The following ZNF445 variants were observed in gnomAD, a reference collection of about 807,000 sequenced individuals.
The protein encoded by ZNF445 is zinc finger protein 445, also known as zinc finger protein 168.
ZNF445 carries 19 observed loss-of-function variants against 93.9 expected under a neutral mutation model. The ratio of observed to expected loss-of-function variants is 0.20; its 90% confidence interval spans 0.14 to 0.30. The LOEUF (loss-of-function observed/expected upper bound fraction) is 0.30. Ranked by LOEUF, ZNF445 falls within the 10% of genes least tolerant of loss-of-function variation. The pLI is 1.00. For missense variants in ZNF445, 1,058 were observed against 1,259.4 expected, an observed-to-expected ratio of 0.84 and a Z score of 2.42; for synonymous variants, 449 against 446.3, an observed-to-expected ratio of 1.01 and a Z score of -0.08.
rs564214179 is a variant in ZNF445, at chr3:44,432,878, G to A, written c.*13697C>T. 3 of 152,232 alleles carry A rather than the reference G, an allele frequency of 2.0e-5. No homozygotes were observed. The highest frequency in any genetic ancestry group is 4.1e-4 in the South Asian group (2 of 4,820). 9.4% of individuals were successfully genotyped at this position (152,232 alleles called of 1,614,324 possible). ...TTGCCTGTGTTTTTCATTTTAAGTCGGTGGAGTTACAACCCATGGATTCCT... is the reference window on the plus strand; with the variant it reads ...TTGCCTGTGTTTTTCATTTTAAGTCAGTGGAGTTACAACCCATGGATTCCT... On this transcript the variant is annotated 3_prime_UTR_variant, in exon 8 of 8. Coordinates refer to ENST00000396077, the MANE Select transcript of ZNF445 (RefSeq NM_181489.6).
chr3:44,477,024 ATACT>A (rs1485800743), intron 1 of ZNF445, among the ~76,000 whole-genome samples: 1 of 152,252 alleles, frequency 6.6e-6, no homozygotes, highest in African/African-American at 2.4e-5. Flanking sequence ...TAGTATGGAT[ATACT>A]TAATGTCACT....
In ZNF445 at chr3:44,441,399, G is replaced by A. The variant is rs1321377753; in HGVS notation, c.*5176C>T. On this transcript the variant is annotated 3_prime_UTR_variant, in exon 8 of 8. Transcript: ENST00000396077. ...CAAGGTCTTTATGACTGTATCTTGT[G>A]CTGACCTCCTATCTCATCCCATGAC... 1 of 152,204 alleles carries A rather than the reference G, an allele frequency of 6.6e-6. No individual in the cohort carries two copies. Among genetic ancestry groups the A allele is most frequent in the African/African-American group, 2.4e-5 (1 of 41,430 alleles). 9.4% of individuals were successfully genotyped at this position (152,204 alleles called of 1,614,324 possible).
rs549889566 is a variant in ZNF445, at chr3:44,432,147, C to T, written c.*14428G>A. On this transcript the variant is annotated 3_prime_UTR_variant, in exon 8 of 8. Coordinates refer to ENST00000396077, the MANE Select transcript of ZNF445 (RefSeq NM_181489.6). ...TCCTGACCTCAAGTGATCCACCTGC[C>T]TCAGCCTCCCAAAGTGCTGAGATTA... 3 of 152,288 alleles carry T rather than the reference C, an allele frequency of 2.0e-5. No homozygotes were observed. The highest frequency in any genetic ancestry group is 4.1e-4 in the South Asian group (2 of 4,830). 9.4% of individuals were successfully genotyped at this position (152,288 alleles called of 1,614,324 possible).
chr3:44,461,516 G>C (rs1698114116), intron 1 of ZNF445, among the ~76,000 whole-genome samples: 1 of 152,194 alleles, frequency 6.6e-6, no homozygotes, highest in African/African-American at 2.4e-5. Flanking sequence ...TTTGTCTGGT[G>C]ACATTCGATG....
Position 44,451,300 on chromosome 3 carries a change from C to A in ZNF445, c.598+14G>T. 1 of 1,610,798 alleles carries A rather than the reference C, an allele frequency of 6.2e-7. No homozygotes were observed. On this transcript the variant is annotated intron_variant, in intron 4 of 7. Transcript: ENST00000396077. ...TGGCATAAGGCTGGGGTCTTAAGGC[C>A]AGGCAGCAAGTACCGGATTGCCCAG...
rs756673297 is a variant in ZNF445, at chr3:44,467,451, CCA to C, written c.-268-9089_-268-9088del. On this transcript the variant is annotated intron_variant, in intron 1 of 7. Transcript: ENST00000396077. Reference sequence around the variant, plus strand: ...TGGGGAATCTGGCCTCATACCTTGTCCACACAGAGTCTCTGTACAAGCTTCCT... The same window carrying C: ...TGGGGAATCTGGCCTCATACCTTGTCCACAGAGTCTCTGTACAAGCTTCCT... Among the ~76,000 whole-genome samples the C allele has an allele frequency of 1.9e-4, 29 of 152,246 alleles. No individual in the cohort carries two copies. The East Asian group carries it at 5.4e-3, about 28-fold the overall frequency.
intron 1 of ZNF445, among the ~76,000 whole-genome samples, chr3:44,463,773 G>T (rs953625063): frequency 2.0e-5 from 3 of 152,184 alleles, no homozygotes; most frequent in Non-Finnish European, 4.4e-5. Flanking sequence ...CAAGAGATGG[G>T]CTGATTACAA....
At chr3:44,459,287 T>C (rs1437090872) in intron 1 of ZNF445, among the ~76,000 whole-genome samples, 1 of 152,038 alleles carries the variant, frequency 6.6e-6, no homozygotes, top group African/African-American at 2.4e-5. Flanking sequence ...CCAAATAAAT[T>C]GAGCAATACA....
At chr3:44,455,085 G>C (rs1319618321) in intron 3 of ZNF445, 36 bp downstream of exon 3, 2 of 1,613,380 alleles carry the variant, frequency 1.2e-6, no homozygotes, top group Middle Eastern at 1.7e-4. Context: ...CTAGCAGGCA[G>C]AGTTCCCTGG....
In ZNF445 at chr3:44,455,169, C is replaced by T. The variant is rs200802465; in HGVS notation, c.381G>A (p.Val127=). 1 of 1,614,180 alleles carries T rather than the reference C, an allele frequency of 6.2e-7. No individual in the cohort carries two copies. Among genetic ancestry groups the T allele is most frequent in the African/African-American group, 1.3e-5 (1 of 75,036 alleles). Residue 127 remains valine, a synonymous_variant, in exon 3 of 8, where the codon GTG becomes GTA. Transcript: ENST00000396077. ...LHNPESGEEA[V]ALLEELQRDL... ...CCCTCTGCAGCTCCTCCAGCAAGGC[C>T]ACAGCCTCCTCGCCACTCTCAGGGT...
Position 44,448,263 on chromosome 3 carries a change from A to G in ZNF445, c.1408T>C (p.Ser470Pro). The change falls in exon 8 of 8, where the codon TCT becomes CCT. Residue 470 changes from serine (S) to proline (P), a missense_variant. By Grantham distance (74) the Ser-to-Pro change is moderately conservative. Coordinates refer to ENST00000396077, the MANE Select transcript of ZNF445 (RefSeq NM_181489.6). ...DVCGKDFSLS[S>P]HHQRGQSLHT... ...AGACTCTGCCCACGTTGGTGATGAG[A>G]GCTAAGGCTGAAGTCTTTTCCACAC... 1 of 1,614,152 alleles carries G rather than the reference A, an allele frequency of 6.2e-7. No homozygotes were observed. Among genetic ancestry groups the G allele is most frequent in the Middle Eastern group, 1.6e-4 (1 of 6,062 alleles).
Position 44,446,653 on chromosome 3 carries a change from G to C in ZNF445, c.3018C>G (p.Phe1006Leu). 6.2e-7 allele frequency: 1 copy of C among 1,614,210 alleles called. No homozygotes were observed. The highest frequency in any genetic ancestry group is 8.5e-7 in the Non-Finnish European group (1 of 1,180,042). The change falls in exon 8 of 8, where the codon TTC becomes TTG. Residue 1006 changes from phenylalanine to leucine, a missense_variant. Physicochemically the swap from Phe to Leu is conservative, Grantham distance 22. Transcript: ENST00000396077. The surrounding 1 kb of genome is among the most constrained non-coding windows in gnomAD (Gnocchi z 4.2). ...HKRFHTRERP[F>L]KCSKCGKTFR... ...AGGTCTTTCCACACTTGCTGCATTTGAAGGGCCTCTCTCGAGTATGAAATC... is the reference window on the plus strand; with the variant it reads ...AGGTCTTTCCACACTTGCTGCATTTCAAGGGCCTCTCTCGAGTATGAAATC...
intron 3 of ZNF445, among the ~76,000 whole-genome samples, chr3:44,452,511 A>G (rs1464297032): frequency 6.6e-6 from 1 of 152,164 alleles, no homozygotes; most frequent in Non-Finnish European, 1.5e-5. Flanking sequence ...CATTTTCCAA[A>G]TTTGAGGGGC....
intron 3 of ZNF445, among the ~76,000 whole-genome samples, chr3:44,453,733 C>T (rs1312701633): frequency 6.6e-6 from 1 of 152,218 alleles, no homozygotes; most frequent in African/African-American, 2.4e-5. Flanking sequence ...AACTGACCAG[C>T]TGCTGCTCTC....
At chr3:44,453,691 CAGG>C (rs1045127902) in intron 3 of ZNF445, among the ~76,000 whole-genome samples, 8 of 152,160 alleles carry the variant, frequency 5.3e-5, no homozygotes, top group African/African-American at 1.2e-4. Flanking sequence ...CCCCTGTGTG[CAGG>C]AGAAGGGCAG....
In ZNF445 at chr3:44,455,181, G is replaced by A. The variant is rs761150186; in HGVS notation, c.369C>T (p.Gly123=). 11 of 1,614,088 alleles carry A rather than the reference G, an allele frequency of 6.8e-6. No individual in the cohort carries two copies. The highest frequency in any genetic ancestry group is 1.7e-5 in the Admixed American group (1 of 60,002). Residue 123 remains glycine (G), a synonymous_variant, in exon 3 of 8, where the codon GGC becomes GGT. Coordinates refer to ENST00000396077, the MANE Select transcript of ZNF445 (RefSeq NM_181489.6). ...VWVQLHNPES[G]EEAVALLEEL... is the part of the protein sequence containing the mutation. The stretch of plus-strand genomic sequence containing the variant: ...CCTCCAGCAAGGCCACAGCCTCCTC[G>A]CCACTCTCAGGGTTATGAAGCTGCA...
At chr3:44,471,439 C>T (rs1698267530) in intron 1 of ZNF445, among the ~76,000 whole-genome samples, 1 of 152,108 alleles carries the variant, frequency 6.6e-6, no homozygotes, top group Non-Finnish European at 1.5e-5. Flanking sequence ...GCAAAGTGGC[C>T]CCACTACCCT....
intron 1 of ZNF445, among the ~76,000 whole-genome samples, chr3:44,458,594 CAG>C (rs1698064116): frequency 6.6e-6 from 1 of 152,066 alleles, no homozygotes; most frequent in Non-Finnish European, 1.5e-5. Context: ...TTTGGAACTT[CAG>C]AGTGATAAAG....
intron 2 of ZNF445, among the ~76,000 whole-genome samples, chr3:44,456,827 T>C (rs2125681267): frequency 6.6e-6 from 1 of 152,344 alleles, no homozygotes; most frequent in Admixed American, 6.5e-5. Flanking sequence ...TTTCTTTTTA[T>C]AATTCATCAT....
Sources: allele counts gnomAD v4.1 joint callset (sites outside exome capture counted in the v4.1 genomes callset), GRCh38; gene constraint gnomAD v4.1.1; non-coding constraint Gnocchi (gnomAD v3.1); transcripts MANE v1.5; gene names NCBI Gene and HGNC (gene_info 2026-07-23, HGNC 2026-07-21).